The following GATB variants were observed in gnomAD, a reference collection of about 807,000 sequenced individuals.
The protein encoded by GATB is glutamyl-tRNA amidotransferase subunit B, also known as glutamyl-tRNA(Gln) amidotransferase subunit B, mitochondrial.
Under a neutral mutation model 62.3 loss-of-function variants are expected in GATB, and 39 were observed. The ratio of observed to expected loss-of-function variants is 0.63; its 90% CI spans 0.48 to 0.82. GATB has a LOEUF of 0.82. Ranked by LOEUF, GATB falls within the 40% of genes least tolerant of loss-of-function variation. GATB has a pLI of 0.00. For synonymous variants in GATB, 276 were observed against 258.9 expected (o/e 1.07, Z -0.63); for missense variants, 670 against 684.0 (o/e 0.98, Z 0.23).
chr4:151,697,650 T>C (rs2126966091), intron 9 of GATB, among the ~76,000 whole-genome samples: 1 of 149,076 alleles, frequency 6.7e-6, no homozygotes, highest in Non-Finnish European at 1.5e-5. Flanking sequence ...TATTTCCGTA[T>C]ATGTTTTATA....
rs566054518 is a variant in GATB at position 151,759,090 on chromosome 4, A to G, written c.177-168T>C. ...TATTTTATCAGTGACTAAATAAAAA[A>G]CAATTTAGAATAAGCGCCTACACTG... On this transcript the variant is annotated intron_variant, in intron 1 of 12. Transcript: ENST00000263985. Among the ~76,000 whole-genome samples, 3 of 152,378 alleles carry G rather than the reference A, an allele frequency of 2.0e-5. No homozygotes were observed. In the East Asian group the frequency reaches 5.8e-4, roughly 29 times the overall value.
At chr4:151,692,261 T>C (rs1443000518) in intron 9 of GATB, among the ~76,000 whole-genome samples, 1 of 152,170 alleles carries the variant, frequency 6.6e-6, no homozygotes. Flanking sequence ...CTGCGGTTTG[T>C]GCTTTTAACC....
intron 3 of GATB, chr4:151,717,336 C>T (rs1214642369): frequency 2.1e-6 from 1 of 471,906 alleles, no homozygotes; most frequent in East Asian, 4.0e-5. Context: ...CGAATTCATC[C>T]CATTGCCCTC....
chr4:151,688,743 C>A lies in GATB; in HGVS notation c.1218G>T (p.Glu406Asp). 6.3e-7 allele frequency: 1 copy of A among 1,597,318 alleles called. No homozygotes were observed. Among genetic ancestry groups the A allele is most frequent in the Non-Finnish European group, 8.5e-7 (1 of 1,175,698 alleles). Residue 406 changes from glutamate (E) to aspartate (D), a missense_variant, in exon 10 of 13, where the codon GAG becomes GAT. Glu to Asp is a conservative substitution (Grantham distance 45). Coordinates refer to ENST00000263985, the MANE Select transcript of GATB (RefSeq NM_004564.3). ...TTTCTTTTATCACATTTTGGAAGAACTCCAGTAGGCCGACTTCGTTCTGTT... is the reference window on the plus strand; with the variant it reads ...TTTCTTTTATCACATTTTGGAAGAAATCCAGTAGGCCGACTTCGTTCTGTT... Reference protein sequence around the residue: ...FTLLNEVGLLEFFQNVIKETR... With the variant: ...FTLLNEVGLLDFFQNVIKETR...
At chr4:151,710,534 C>T (rs1738797718) in intron 5 of GATB, among the ~76,000 whole-genome samples, 1 of 152,202 alleles carries the variant, frequency 6.6e-6, no homozygotes, top group Non-Finnish European at 1.5e-5. Context: ...GCTTCTCTCC[C>T]CATCTCTCTA....
chr4:151,681,849 C>T (rs1379328403), intron 10 of GATB, among the ~76,000 whole-genome samples: 3 of 152,114 alleles, frequency 2.0e-5, no homozygotes, highest in Non-Finnish European at 2.9e-5. Context: ...GTGGAAGGAG[C>T]GAGGGAGCTC....
At chr4:151,707,574 T>C (rs1284262426) in intron 6 of GATB, among the ~76,000 whole-genome samples, 1 of 152,226 alleles carries the variant, frequency 6.6e-6, no homozygotes, top group Non-Finnish European at 1.5e-5. Context: ...ATTATAGGCA[T>C]GAGGCACTGT....
At chr4:151,742,395 A>G (rs574385253) in intron 2 of GATB, among the ~76,000 whole-genome samples, 2 of 152,220 alleles carry the variant, frequency 1.3e-5, no homozygotes, top group East Asian at 1.9e-4. Context: ...GCTGGGAGGG[A>G]TATCTTAATG....
At position 151,705,251 on chromosome 4, in the gene GATB, T is replaced by C; in HGVS notation, c.896A>G (p.Gln299Arg). 1 of 1,610,890 alleles carries C rather than the reference T, an allele frequency of 6.2e-7. No homozygotes were observed. Among genetic ancestry groups the C allele is most frequent in the Admixed American group, 1.7e-5 (1 of 60,010 alleles). ...ACCTCCATTCTCAAGTTCATTGATT[T>C]GCCTCTGAATTTCATAGTCTAGGAA... ...AKAIDYEIQR[Q>R]INELENGGEI... The change falls in exon 7 of 13, where the codon CAA becomes CGA. Residue 299 changes from glutamine to arginine, a missense_variant. Physicochemically the swap from Gln to Arg is conservative, Grantham distance 43. Coordinates refer to ENST00000263985, the MANE Select transcript of GATB (RefSeq NM_004564.3).
intron 2 of GATB, among the ~76,000 whole-genome samples, chr4:151,739,534 T>C (rs186581202): frequency 1.6e-4 from 25 of 152,174 alleles, no homozygotes; most frequent in African/African-American, 5.3e-4. Context: ...CAAACACACA[T>C]AAAAATGGCC....
chr4:151,707,003 T>C (rs1156973829), intron 6 of GATB, among the ~76,000 whole-genome samples: 1 of 152,250 alleles, frequency 6.6e-6, no homozygotes, highest in African/African-American at 2.4e-5. Context: ...ATTTTAGTTA[T>C]TATACATTTA....
At chr4:151,674,854 A>T (rs753950380) in intron 11 of GATB, 7 of 152,212 alleles carry the variant, frequency 4.6e-5, no homozygotes, top group African/African-American at 1.7e-4. Flanking sequence ...TGAAAAATCT[A>T]CGCAGCAGTT....
intron 2 of GATB, among the ~76,000 whole-genome samples, chr4:151,732,782 A>T (rs1739295525): frequency 1.3e-5 from 2 of 151,718 alleles, no homozygotes; most frequent in South Asian, 4.1e-4. Flanking sequence ...ATCTGTGAAT[A>T]CTATCATTAT....
intron 9 of GATB, among the ~76,000 whole-genome samples, chr4:151,696,628 A>G (rs1396888525): frequency 6.6e-6 from 1 of 152,242 alleles, no homozygotes; most frequent in Non-Finnish European, 1.5e-5. Flanking sequence ...GGAGAGCAGC[A>G]GTCCCTGCCT....
chr4:151,717,361 T>C (rs1399198239), intron 3 of GATB: 3 of 393,836 alleles, frequency 7.6e-6, no homozygotes, highest in Admixed American at 8.2e-5. Flanking sequence ...AAGTGCTGTA[T>C]TGGGGAATAA....
At chr4:151,747,781 A>G (rs1344087059) in intron 2 of GATB, among the ~76,000 whole-genome samples, 2 of 152,210 alleles carry the variant, frequency 1.3e-5, no homozygotes, top group Admixed American at 6.5e-5. Context: ...TTGGAATTCT[A>G]TACTACTATT....
chr4:151,715,004 A>C (rs969416614), intron 5 of GATB, among the ~76,000 whole-genome samples: 6 of 152,206 alleles, frequency 3.9e-5, no homozygotes. Flanking sequence ...CTGATGTTAT[A>C]ATTTGTTGCT....
chr4:151,708,207 T>G, intron 5 of GATB, 106 bp from the exon 6 acceptor site: 1 of 728,580 alleles, frequency 1.4e-6, no homozygotes, highest in Non-Finnish European at 2.3e-6. Context: ...ACCTGCTGTT[T>G]AGTTATAGCA....
intron 2 of GATB, among the ~76,000 whole-genome samples, chr4:151,725,896 G>T (rs1285828371): frequency 1.3e-5 from 2 of 152,134 alleles, no homozygotes; most frequent in Non-Finnish European, 2.9e-5. Context: ...CAATTGGTGA[G>T]CCCATGATGC....
Sources: allele counts gnomAD v4.1 joint callset (sites outside exome capture counted in the v4.1 genomes callset), GRCh38; gene constraint gnomAD v4.1.1; transcripts MANE v1.5; gene names NCBI Gene and HGNC (gene_info 2026-07-23, HGNC 2026-07-21).